The following WDR49 variants were observed in gnomAD, a reference collection of about 807,000 sequenced individuals.
The protein encoded by WDR49 is cilia- and flagella-associated protein 337.
WDR49 carries 107 observed loss-of-function variants against 119.5 expected under a neutral mutation model. The observed-to-expected ratio is 0.90, with a 90% confidence interval of 0.77 to 1.05. The LOEUF is 1.05. Among genes scored for constraint, WDR49 ranks in the 50% least tolerant of loss-of-function variants. The probability of loss-of-function intolerance (pLI) is 0.00; values close to 1 mark genes in which losing one functional copy is unlikely to be tolerated. For missense variants in WDR49, 1,240 were observed against 1,220.5 expected (o/e 1.02, Z -0.24); for synonymous variants, 425 against 418.8 (o/e 1.01, Z -0.18).
At chr3:167,480,361 A>G (rs1750662585) in intron 18 of WDR49, among the ~76,000 whole-genome samples, 1 of 152,148 alleles carries the variant, frequency 6.6e-6, no homozygotes, top group Non-Finnish European at 1.5e-5. Context: ...GTAAAGTGGA[A>G]TAAATTTGGA....
At chr3:167,610,888 G>GTC in intron 5 of WDR49, among the ~76,000 whole-genome samples, 1 of 152,350 alleles carries the variant, frequency 6.6e-6, no homozygotes, top group Non-Finnish European at 1.5e-5. Context: ...GAGAACAAGA[G>GTC]TCTCTGTCTG....
rs531346839 is a variant in WDR49, at chr3:167,619,086, T to C, written c.958+1343A>G. ...CAACCCTTTCTAAGACAGCTTTCTA[T>C]AGGCTTCTCTGTATTTACTCATATT... On this transcript the variant is annotated intron_variant, in intron 5 of 18. Transcript: ENST00000682715. 3.3e-5 allele frequency among the ~76,000 whole-genome samples: 5 copies of C among 152,298 alleles called. No individual in the cohort carries two copies. The East Asian group carries it at 9.6e-4, about 29-fold the overall frequency.
intron 15 of WDR49, among the ~76,000 whole-genome samples, chr3:167,525,529 C>T (rs1175668909): frequency 2.0e-5 from 3 of 152,032 alleles, no homozygotes; most frequent in Non-Finnish European, 4.4e-5. Flanking sequence ...GAGACACAAT[C>T]AAAGTCACTG....
At position 167,604,374 on chromosome 3, in the gene WDR49, A is replaced by G. The variant is rs1715934860; in HGVS notation, c.1053T>C (p.Arg351=). ...CAATGTTGAAGGATGTCATATTAAG[A>G]CGCTTTTTTGATTTCTCTCTCCAAG... The part of the protein sequence containing the change: ...VMAWREKSKK[R]LNMTSFNIAQ... Residue 351 remains arginine (R), a synonymous_variant, in exon 6 of 19, where the codon CGT becomes CGC. Coordinates refer to ENST00000682715, the MANE Select transcript of WDR49 (RefSeq NM_001366157.1). 2 of 1,613,658 alleles carry G rather than the reference A, an allele frequency of 1.2e-6. No homozygotes were observed. The highest frequency in any genetic ancestry group is 1.7e-6 in the Non-Finnish European group (2 of 1,179,872).
At chr3:167,581,818 G>A (rs1323622248) in intron 7 of WDR49, among the ~76,000 whole-genome samples, 1 of 152,096 alleles carries the variant, frequency 6.6e-6, no homozygotes, top group South Asian at 2.1e-4. Flanking sequence ...TTACATACTA[G>A]CAACATGTTT....
chr3:167,530,365 T>TA (rs1412887505), intron 13 of WDR49, among the ~76,000 whole-genome samples: 1 of 151,840 alleles, frequency 6.6e-6, no homozygotes, highest in East Asian at 1.9e-4. Flanking sequence ...AGATGAAAGG[T>TA]AAAAAAATAT....
At chr3:167,585,536 C>A (rs552886520) in intron 7 of WDR49, among the ~76,000 whole-genome samples, 2 of 150,678 alleles carry the variant, frequency 1.3e-5, no homozygotes, top group Admixed American at 6.7e-5. Flanking sequence ...TGCTGTATAG[C>A]CAAAAAATAC....
At chr3:167,655,812 C>T (rs982798892), upstream of WDR49, among the ~76,000 whole-genome samples, 12 of 152,162 alleles carry the variant, frequency 7.9e-5, no homozygotes, top group Admixed American at 3.9e-4. Flanking sequence ...GCAGGAGAAT[C>T]GCTTGAACCT....
chr3:167,536,728 TATATAC>T, intron 11 of WDR49, 136 bp downstream of exon 11: 10 of 203,550 alleles, frequency 4.9e-5, no homozygotes, highest in East Asian at 1.3e-4. Context: ...TATATATATA[TATATAC>T]ACACACACAC....
At chr3:167,517,313 A>T (rs1449643126) in intron 16 of WDR49, among the ~76,000 whole-genome samples, 1 of 152,170 alleles carries the variant, frequency 6.6e-6, no homozygotes, top group Non-Finnish European at 1.5e-5. Context: ...GTACTGGTAC[A>T]AAAACAGACA....
At chr3:167,650,558 G>A (rs1718326816) in intron 2 of WDR49, among the ~76,000 whole-genome samples, 1 of 152,152 alleles carries the variant, frequency 6.6e-6, no homozygotes, top group Non-Finnish European at 1.5e-5. Context: ...TATGAAATGA[G>A]AGATAGAACA....
intron 8 of WDR49, among the ~76,000 whole-genome samples, chr3:167,571,196 A>G (rs945852425): frequency 1.3e-5 from 2 of 152,136 alleles, no homozygotes; most frequent in African/African-American, 4.8e-5. Flanking sequence ...GCATCACTCC[A>G]GATAAAGTGA....
intron 5 of WDR49, among the ~76,000 whole-genome samples, chr3:167,616,921 T>G (rs992163407): frequency 1.1e-4 from 16 of 152,228 alleles, no homozygotes; most frequent in Non-Finnish European, 1.6e-4. Flanking sequence ...CGTTTTAATT[T>G]CCATTTATAT....
At chr3:167,500,596 G>T (rs943273863) in intron 17 of WDR49, among the ~76,000 whole-genome samples, 3 of 151,996 alleles carry the variant, frequency 2.0e-5, no homozygotes, top group Admixed American at 1.3e-4. Context: ...TTTTGGAAAA[G>T]CTCCAGTTTT....
intron 8 of WDR49, among the ~76,000 whole-genome samples, chr3:167,571,167 A>G (rs1379058581): frequency 6.6e-6 from 1 of 152,188 alleles, no homozygotes; most frequent in African/African-American, 2.4e-5. Flanking sequence ...ATAGTATAAT[A>G]ATCAAGCCTC....
At chr3:167,504,563 G>A (rs776182200) in intron 17 of WDR49, among the ~76,000 whole-genome samples, 27 of 152,196 alleles carry the variant, frequency 1.8e-4, no homozygotes, top group Non-Finnish European at 3.1e-4. Context: ...ATAGGTGGAA[G>A]CAGCTTACCT....
chr3:167,649,380 G>A (rs1175881953), intron 2 of WDR49, among the ~76,000 whole-genome samples: 1 of 152,132 alleles, frequency 6.6e-6, no homozygotes, highest in African/African-American at 2.4e-5. Flanking sequence ...TGCCTGGCAG[G>A]ACATCAACAT....
intron 2 of WDR49, among the ~76,000 whole-genome samples, chr3:167,633,088 CGT>C (rs3061397): frequency 0.016 from 2,321 of 146,762 alleles, 16 homozygotes; most frequent in African/African-American, 0.017. Flanking sequence ...TAGCCAAACT[CGT>C]GTGTGTGTGT....
chr3:167,530,978 G>C, intron 13 of WDR49, 137 bp downstream of exon 13: 1 of 845,182 alleles, frequency 1.2e-6, no homozygotes, highest in South Asian at 2.0e-5. Context: ...CCTTTGCCAT[G>C]GTCTGTGACC....
Sources: allele counts gnomAD v4.1 joint callset (sites outside exome capture counted in the v4.1 genomes callset), GRCh38; gene constraint gnomAD v4.1.1; transcripts MANE v1.5; gene names NCBI Gene and HGNC (gene_info 2026-07-23, HGNC 2026-07-21).